Variants in PWWP3A observed in about 807,000 individuals in gnomAD.
The protein encoded by PWWP3A is PWWP domain-containing DNA repair factor 3A.
In PWWP3A, 53 loss-of-function variants were observed where a neutral mutation model predicts 79.0. The observed-to-expected ratio is 0.67, with a 90% CI of 0.54 to 0.84. PWWP3A has a LOEUF of 0.84. Among genes scored for constraint, PWWP3A ranks in the 40% least tolerant of loss-of-function variants. PWWP3A has a pLI of 0.00. For synonymous variants in PWWP3A, 443 were observed against 394.4 expected, an observed-to-expected ratio of 1.12 and a Z score of -1.46; for missense variants, 973 against 948.0, an observed-to-expected ratio of 1.03 and a Z score of -0.35.
intron 12 of PWWP3A, chr19:1,372,846 G>A (rs2082290972): frequency 2.1e-6 from 1 of 478,532 alleles, no homozygotes; most frequent in East Asian, 3.3e-5. Context: ...TGCTTTTAGT[G>A]ATCTGAGCTA....
chr19:1,370,053 G>A (rs941127489), intron 11 of PWWP3A, among the ~76,000 whole-genome samples: 9 of 152,226 alleles, frequency 5.9e-5, no homozygotes, highest in Non-Finnish European at 1.2e-4. Flanking sequence ...AACAGAGCAA[G>A]ACCCCATCTC....
chr19:1,375,981 T>C (rs1332233392), intron 13 of PWWP3A, among the ~76,000 whole-genome samples: 1 of 151,356 alleles, frequency 6.6e-6, no homozygotes, highest in East Asian at 1.9e-4. Context: ...GGCTAATTTT[T>C]GTTATTTTTA....
chr19:1,358,768 C>T (rs1360201491), intron 4 of PWWP3A: 3 of 1,035,714 alleles, frequency 2.9e-6, no homozygotes, highest in South Asian at 2.7e-5. Flanking sequence ...ACTTTGCTGC[C>T]ATAAGGGGGG....
intron 9 of PWWP3A, among the ~76,000 whole-genome samples, chr19:1,367,570 C>G (rs1380328957): frequency 6.6e-6 from 1 of 152,252 alleles, no homozygotes; most frequent in African/African-American, 2.4e-5. Flanking sequence ...TCAGTCCACC[C>G]CATGTCACGG....
chr19:1,371,522 A>G, intron 12 of PWWP3A: 1 of 634,808 alleles, frequency 1.6e-6, no homozygotes, highest in South Asian at 1.8e-5. Flanking sequence ...AACCCGTGGT[A>G]AGTTAAACAC....
At position 1,360,320 on chromosome 19, in the gene PWWP3A, G is replaced by T; in HGVS notation, c.399G>T (p.Ser133=). 6.2e-7 allele frequency: 1 copy of T among 1,613,834 alleles called. No individual in the cohort carries two copies. Among genetic ancestry groups the T allele is most frequent in the South Asian group, 1.1e-5 (1 of 91,070 alleles). Reference sequence around the variant, plus strand: ...AGCATGTCTCCTCGCCCTGTGATTCGAACTCCTCATCTCTTCCCCGCGGAG... The same window carrying T: ...AGCATGTCTCCTCGCCCTGTGATTCTAACTCCTCATCTCTTCCCCGCGGAG... ...PMEHVSSPCD[S]NSSSLPRGDV... The change falls in exon 5 of 14, where the codon TCG becomes TCT. Residue 133 remains serine, a synonymous_variant. Coordinates refer to ENST00000591337, the MANE Select transcript of PWWP3A (RefSeq NM_001369789.1). This position sits in a 1 kb window ranked among gnomAD's most constrained non-coding sequence, Gnocchi z 4.4.
Position 1,370,713 on chromosome 19 carries a change from C to A in PWWP3A, c.1621C>A (p.Pro541Thr). ...TKLPQLSKGS[P>T]EEPVVGCPLG... ...GCTTCCTCAACTGAGCAAGGGGAGC[C>A]CCGAGGAGCCCGTGGTGGGGTGCCC... Residue 541 changes from proline to threonine, a missense_variant, in exon 12 of 14, where the codon CCC becomes ACC. Pro to Thr is a conservative substitution (Grantham distance 38). Transcript: ENST00000591337. 6.8e-7 allele frequency: 1 copy of A among 1,464,458 alleles called. No homozygotes were observed. The highest frequency in any genetic ancestry group is 9.0e-7 in the Non-Finnish European group (1 of 1,106,262). The allele number at this position is 1,464,458 out of a possible 1,614,324, so 90.7% of individuals were successfully genotyped here. A position where few individuals can be genotyped will look rare whatever the true frequency, so the allele number is the denominator to read the frequency against.
intron 7 of PWWP3A, 73 bp from the exon 8 acceptor site, chr19:1,366,232 A>G: frequency 6.7e-7 from 1 of 1,482,462 alleles, no homozygotes; most frequent in Admixed American, 1.7e-5. Flanking sequence ...GTATCATGTG[A>G]TGTCACAAAA....
rs1264619224 is a variant in PWWP3A at position 1,368,280 on chromosome 19, A to T, written c.1423-985A>T. Among the ~76,000 whole-genome samples the T allele has an allele frequency of 6.6e-6, 1 of 152,136 alleles. No individual in the cohort carries two copies. The highest frequency in any genetic ancestry group is 1.5e-5 in the Non-Finnish European group (1 of 68,038). Reference sequence around the variant, plus strand: ...GTGTGGGGTGAGGAGAAGAGCAGGAAGTTCCGTGCCTTAAACGCAGAAGGG... The same window carrying T: ...GTGTGGGGTGAGGAGAAGAGCAGGATGTTCCGTGCCTTAAACGCAGAAGGG... On this transcript the variant is annotated intron_variant, in intron 9 of 13. Coordinates refer to ENST00000591337, the MANE Select transcript of PWWP3A (RefSeq NM_001369789.1). This position sits in a 1 kb window ranked among gnomAD's most constrained non-coding sequence, Gnocchi z 4.7.
chr19:1,369,757 C>G lies in PWWP3A; in HGVS notation c.1549+111C>G, dbSNP rs570726223. Reference sequence around the variant, plus strand: ...GGGACGTTGGGGTCAAGGCACTGTCCGCAGCCACACAGCATTGTTCAACCT... The same window carrying G: ...GGGACGTTGGGGTCAAGGCACTGTCGGCAGCCACACAGCATTGTTCAACCT... On this transcript the variant is annotated intron_variant, in intron 11 of 13. Transcript: ENST00000591337. This position sits in a 1 kb window ranked among gnomAD's most constrained non-coding sequence, Gnocchi z 4.0. 2 of 1,171,212 alleles carry G rather than the reference C, an allele frequency of 1.7e-6. No homozygotes were observed. The highest frequency in any genetic ancestry group is 2.6e-6 in the Non-Finnish European group (2 of 778,230). 72.6% of individuals were successfully genotyped at this position (1,171,212 alleles called of 1,614,324 possible). A position where few individuals can be genotyped will look rare whatever the true frequency, so the allele number is the denominator to read the frequency against.
At chr19:1,366,429 C>A (rs756416785) in intron 8 of PWWP3A, 48 bp downstream of exon 8, 2 of 1,547,776 alleles carry the variant, frequency 1.3e-6, no homozygotes, top group Admixed American at 1.7e-5. Flanking sequence ...GGGGCCAGGC[C>A]GGCCGCTCTC....
rs749642650 is a variant in PWWP3A at position 1,369,643 on chromosome 19, ATAAG to A, written c.1549+3_1549+6del. On this transcript the variant is annotated splice_donor_variant and coding_sequence_variant, in exon 11 of 14. Transcript: ENST00000591337. LOFTEE classifies it high-confidence loss of function. The surrounding 1 kb of genome is among the most constrained non-coding windows in gnomAD (Gnocchi z 4.0). ...TTTCCTGGAATATTACGCGGCTGAT[ATAAG>A]TAAGTCTACAGGCACATCTTGGAAA... The A allele has an allele frequency of 6.2e-7, 1 of 1,614,228 alleles. No individual in the cohort carries two copies. Among genetic ancestry groups the A allele is most frequent in the East Asian group, 2.2e-5 (1 of 44,894 alleles).
chr19:1,372,928 G>T (rs997287450), intron 12 of PWWP3A, 144 bp from the exon 13 acceptor site: 5 of 636,210 alleles, frequency 7.9e-6, no homozygotes, highest in Non-Finnish European at 1.1e-5. Flanking sequence ...CATGGACTAG[G>T]TTTGCACCTT....
intron 13 of PWWP3A, among the ~76,000 whole-genome samples, chr19:1,376,101 G>A (rs1433338994): frequency 1.5e-5 from 2 of 135,508 alleles, no homozygotes; most frequent in African/African-American, 2.8e-5. Context: ...GAGCCAAAGT[G>A]CCTGGACTCT....
In PWWP3A at chr19:1,360,124, C is replaced by T. The variant is rs114412532; in HGVS notation, c.215-12C>T. The T allele has an allele frequency of 5.8e-4, 891 of 1,538,690 alleles. 7 individuals carry two copies. The African/African-American group carries it at 0.01, about 17-fold the overall frequency. On this transcript the variant is annotated splice_polypyrimidine_tract_variant and intron_variant, in intron 4 of 13. Coordinates refer to ENST00000591337, the MANE Select transcript of PWWP3A (RefSeq NM_001369789.1). This position sits in a 1 kb window ranked among gnomAD's most constrained non-coding sequence, Gnocchi z 4.4. ...GAACGTAACCGGCATTGTGTATGTT[C>T]GGTCCTTGCAGCCTCACAGAATGAG...
In PWWP3A at chr19:1,368,511, A is replaced by G. The variant is rs911367770; in HGVS notation, c.1423-754A>G. Reference sequence around the variant, plus strand: ...TGCGGGGGCTGCTGGGCAGGCAGAGAGCGGCGTCCACCCGGCCCTGGGATG... The same window carrying G: ...TGCGGGGGCTGCTGGGCAGGCAGAGGGCGGCGTCCACCCGGCCCTGGGATG... On this transcript the variant is annotated intron_variant, in intron 9 of 13. Coordinates refer to ENST00000591337, the MANE Select transcript of PWWP3A (RefSeq NM_001369789.1). This position sits in a 1 kb window ranked among gnomAD's most constrained non-coding sequence, Gnocchi z 4.7. 1.3e-5 allele frequency among the ~76,000 whole-genome samples: 2 copies of G among 151,960 alleles called. No individual in the cohort carries two copies. The highest frequency in any genetic ancestry group is 4.8e-5 in the African/African-American group (2 of 41,368).
chr19:1,370,817 G>A lies in PWWP3A; in HGVS notation c.1725G>A (p.Leu575=), dbSNP rs1179628211. 3.8e-6 allele frequency: 6 copies of A among 1,570,678 alleles called. No homozygotes were observed. The highest frequency in any genetic ancestry group is 1.2e-5 in the South Asian group (1 of 85,760). Residue 575 remains leucine, a synonymous_variant, in exon 12 of 14, where the codon CTG becomes CTA. Coordinates refer to ENST00000591337, the MANE Select transcript of PWWP3A (RefSeq NM_001369789.1). ...CCCGGGACCGGGCCAACCAGAAGCT[G>A]GTGGAGTACATTGTGAAGGCCAAGG... The part of the protein sequence containing the change: ...RAARDRANQK[L]VEYIVKAKGA...
Position 1,368,844 on chromosome 19 carries a change from T to TGCGTTCAGATCAGCCCAAGCCA in PWWP3A, c.1423-421_1423-420insGCGTTCAGATCAGCCCAAGCCA, listed in dbSNP as rs1568948764. Among the ~76,000 whole-genome samples, 2 of 115,438 alleles carry TGCGTTCAGATCAGCCCAAGCCA rather than the reference T, an allele frequency of 1.7e-5. No homozygotes were observed. Among genetic ancestry groups the TGCGTTCAGATCAGCCCAAGCCA allele is most frequent in the African/African-American group, 7.4e-5 (2 of 27,190 alleles). 75.7% of individuals were successfully genotyped at this position (115,438 alleles called of 152,430 possible). A position where few individuals can be genotyped will look rare whatever the true frequency, so the allele number is the denominator to read the frequency against. ...CGATGCGTTCAGACCAGCCCAAGCCTTCGGGTCCCCGGTGCCCACCTGCGT... is the reference window on the plus strand; with the variant it reads ...CGATGCGTTCAGACCAGCCCAAGCCTGCGTTCAGATCAGCCCAAGCCATCGGGTCCCCGGTGCCCACCTGCGT... On this transcript the variant is annotated intron_variant, in intron 9 of 13. Coordinates refer to ENST00000591337, the MANE Select transcript of PWWP3A (RefSeq NM_001369789.1). This position sits in a 1 kb window ranked among gnomAD's most constrained non-coding sequence, Gnocchi z 4.7.
At chr19:1,366,471 A>G (rs1226542514) in intron 8 of PWWP3A, 90 bp downstream of exon 8, 1 of 1,220,038 alleles carries the variant, frequency 8.2e-7, no homozygotes, top group African/African-American at 1.5e-5. Context: ...ATGGAGGGAC[A>G]GAGGGGAGGC....
Sources: allele counts gnomAD v4.1 joint callset (sites outside exome capture counted in the v4.1 genomes callset), GRCh38; gene constraint gnomAD v4.1.1; non-coding constraint Gnocchi (gnomAD v3.1); transcripts MANE v1.5; gene names NCBI Gene and HGNC (gene_info 2026-07-23, HGNC 2026-07-21).